The following KIF21A variants were observed in gnomAD, a reference collection of about 807,000 sequenced individuals.
The protein encoded by KIF21A is kinesin family member 21A.
Under a neutral mutation model 202.9 loss-of-function variants are expected in KIF21A, and 114 were observed. The ratio of observed to expected loss-of-function variants is 0.56; its 90% CI spans 0.48 to 0.66. The LOEUF is 0.66. Ranked by LOEUF, KIF21A falls within the 30% of genes least tolerant of loss-of-function variation. The probability of loss-of-function intolerance (pLI) is 0.00; values close to 1 mark genes in which losing one functional copy is unlikely to be tolerated. For missense variants in KIF21A, 1,677 were observed against 1,994.9 expected (o/e 0.84, Z 3.04); for synonymous variants, 667 against 670.8 (o/e 0.99, Z 0.09).
chr12:39,390,217 G>GTTTTTTCTCAC (rs1435806564), intron 1 of KIF21A, among the ~76,000 whole-genome samples: 1 of 152,156 alleles, frequency 6.6e-6, no homozygotes, highest in East Asian at 1.9e-4. Context: ...AAACACCTAG[G>GTTTTTTCTCAC]TTTTTTCTCA....
chr12:39,339,322 A>AC (rs1187903140), intron 16 of KIF21A, among the ~76,000 whole-genome samples: 1 of 152,002 alleles, frequency 6.6e-6, no homozygotes, highest in East Asian at 1.9e-4. Flanking sequence ...ATGTTTAGAT[A>AC]CACAAATATT....
At chr12:39,416,689 A>ACATATATGTG (rs1566266710) in intron 1 of KIF21A, among the ~76,000 whole-genome samples, 3 of 94,740 alleles carry the variant, frequency 3.2e-5, no homozygotes, top group African/African-American at 2.2e-4. Context: ...ATATGTGTGT[A>ACATATATGTG]TATATATATG....
chr12:39,394,766 T>C (rs535700419), intron 1 of KIF21A, among the ~76,000 whole-genome samples: 1 of 152,206 alleles, frequency 6.6e-6, no homozygotes, highest in Admixed American at 6.5e-5. Flanking sequence ...CACAGCGACC[T>C]AATATATAGT....
intron 7 of KIF21A, among the ~76,000 whole-genome samples, chr12:39,361,060 G>A (rs1949168339): frequency 6.6e-6 from 1 of 152,202 alleles, no homozygotes; most frequent in South Asian, 2.1e-4. Flanking sequence ...ACCCATTAAG[G>A]AAATAGGTGA....
chr12:39,315,162 C>T, intron 31 of KIF21A, 67 bp downstream of exon 31: 1 of 1,432,430 alleles, frequency 7.0e-7, no homozygotes, highest in Non-Finnish European at 9.8e-7. Flanking sequence ...ATTTTTGTTC[C>T]ATGCAAACCT....
At chr12:39,435,050 C>T (rs1938489167) in intron 1 of KIF21A, among the ~76,000 whole-genome samples, 1 of 152,206 alleles carries the variant, frequency 6.6e-6, no homozygotes, top group South Asian at 2.1e-4. Flanking sequence ...AAGGTAACAT[C>T]TTACTACACA....
At chr12:39,336,532 G>A (rs1306121118) in intron 17 of KIF21A, among the ~76,000 whole-genome samples, 1 of 151,998 alleles carries the variant, frequency 6.6e-6, no homozygotes, top group Non-Finnish European at 1.5e-5. Context: ...CAGGGATCTT[G>A]GTTGTTTTTA....
intron 12 of KIF21A, among the ~76,000 whole-genome samples, 166 bp from the exon 13 acceptor site, chr12:39,342,290 AAATTGCCAATC>A (rs759862515): frequency 6.6e-6 from 1 of 152,216 alleles, no homozygotes; most frequent in Non-Finnish European, 1.5e-5. Flanking sequence ...AGAAAAATGG[AAATTGCCAATC>A]AATCAACAGT....
intron 5 of KIF21A, 25 bp downstream of exon 5, chr12:39,367,005 T>C (rs1189032071): frequency 1.2e-6 from 2 of 1,606,878 alleles, no homozygotes; most frequent in Admixed American, 1.7e-5. Flanking sequence ...ATTGAAAGTT[T>C]AAGAAATTAG....
At position 39,304,919 on chromosome 12, in the gene KIF21A, A is replaced by G. The variant is rs111388318; in HGVS notation, c.4462T>C (p.Leu1488=). 1.9e-6 allele frequency: 3 copies of G among 1,583,722 alleles called. No homozygotes were observed. Among genetic ancestry groups the G allele is most frequent in the African/African-American group, 1.3e-5 (1 of 74,446 alleles). Residue 1488 remains leucine, a synonymous_variant, in exon 35 of 38, where the codon TTA becomes CTA. Transcript: ENST00000361418. Reference sequence around the variant, plus strand: ...ATAACAGGGCCTAGGTGTCCTGTTAACTTTCCTGTAGACTGAAACCTTTAA... The same window carrying G: ...ATAACAGGGCCTAGGTGTCCTGTTAGCTTTCCTGTAGACTGAAACCTTTAA... ...DLKRFQSTGK[L]TGHLGPVMCL...
intron 1 of KIF21A, among the ~76,000 whole-genome samples, chr12:39,427,012 T>A (rs1279728007): frequency 2.0e-5 from 3 of 152,222 alleles, no homozygotes; most frequent in Non-Finnish European, 4.4e-5. Flanking sequence ...TACTTCATTT[T>A]TGGCATGTTT....
intron 1 of KIF21A, among the ~76,000 whole-genome samples, chr12:39,441,676 A>AAAAAAAAAAAAAAC (rs1041857523): frequency 5.1e-5 from 7 of 137,382 alleles, no homozygotes; most frequent in African/African-American, 1.7e-4. Context: ...AAAAAAAAAA[A>AAAAAAAAAAAAAAC]AAAACACTTA....
At chr12:39,397,306 A>C (rs1448399937) in intron 1 of KIF21A, among the ~76,000 whole-genome samples, 1 of 152,124 alleles carries the variant, frequency 6.6e-6, no homozygotes, top group Non-Finnish European at 1.5e-5. Context: ...AATAATACTA[A>C]ATTATTTTAA....
intron 17 of KIF21A, among the ~76,000 whole-genome samples, chr12:39,335,254 A>G (rs981766092): frequency 6.6e-6 from 1 of 152,010 alleles, no homozygotes; most frequent in African/African-American, 2.4e-5. Flanking sequence ...TCTACTAAAA[A>G]TACAAAAATT....
intron 1 of KIF21A, among the ~76,000 whole-genome samples, chr12:39,441,144 A>C (rs1939515018): frequency 6.6e-6 from 1 of 152,330 alleles, no homozygotes; most frequent in Non-Finnish European, 1.5e-5. Context: ...GTTTTTATAA[A>C]GCCTTTCCCC....
At chr12:39,394,371 T>G (rs1200078929) in intron 1 of KIF21A, among the ~76,000 whole-genome samples, 1 of 152,232 alleles carries the variant, frequency 6.6e-6, no homozygotes, top group East Asian at 1.9e-4. Context: ...TCTTACTGCT[T>G]TTGGCAAACG....
At chr12:39,440,080 A>G (rs1228549731) in intron 1 of KIF21A, among the ~76,000 whole-genome samples, 1 of 152,242 alleles carries the variant, frequency 6.6e-6, no homozygotes, top group Non-Finnish European at 1.5e-5. Flanking sequence ...ACTGAAGGGT[A>G]GGGTAACAGG....
chr12:39,338,330 G>A (rs1291469128), intron 16 of KIF21A, among the ~76,000 whole-genome samples: 1 of 152,140 alleles, frequency 6.6e-6, no homozygotes, highest in Non-Finnish European at 1.5e-5. Flanking sequence ...CGGCTATACA[G>A]TGCATTTGTG....
chr12:39,306,313 T>G (rs1427717443), intron 34 of KIF21A, among the ~76,000 whole-genome samples: 1 of 152,236 alleles, frequency 6.6e-6, no homozygotes, highest in Non-Finnish European at 1.5e-5. Context: ...TTCTGCCTTG[T>G]GTCATGATTT....
Sources: gnomAD v4.1 joint callset for allele counts (sites outside exome capture counted in the v4.1 genomes callset) on GRCh38, gnomAD v4.1.1 for gene constraint, MANE v1.5 for transcripts, NCBI Gene and HGNC (gene_info 2026-07-23, HGNC 2026-07-21) for gene names.